The following NELL1 variants were observed in gnomAD, a reference collection of about 807,000 sequenced individuals.
NELL1 encodes protein kinase C-binding protein NELL1.
NELL1 carries 76 observed loss-of-function variants against 107.4 expected under a neutral mutation model. That is an observed-to-expected ratio of 0.71 (90% confidence interval 0.59 to 0.86). NELL1 has a LOEUF of 0.86. Among genes scored for constraint, NELL1 ranks in the 40% least tolerant of loss-of-function variants. The pLI, the probability that NELL1 is intolerant of heterozygous loss-of-function variation, is 0.00. For synonymous variants in NELL1, 353 were observed against 341.2 expected, an observed-to-expected ratio of 1.03 and a Z score of -0.38; for missense variants, 1,024 against 1,005.5, an observed-to-expected ratio of 1.02 and a Z score of -0.25.
chr11:21,355,212 C>T lies in NELL1; in HGVS notation c.1550-15641C>T, dbSNP rs536688684. ...TTTTCCTTGCTGTTGATTCCAGTGCCCAACAAGCTCTCAAAGTCTGACACT... is the reference window on the plus strand; with the variant it reads ...TTTTCCTTGCTGTTGATTCCAGTGCTCAACAAGCTCTCAAAGTCTGACACT... On this transcript the variant is annotated intron_variant, in intron 14 of 19. Transcript: ENST00000357134. Among the ~76,000 whole-genome samples, 3 of 152,202 alleles carry T rather than the reference C, an allele frequency of 2.0e-5. No individual in the cohort carries two copies. The South Asian group carries it at 6.2e-4, about 32-fold the overall frequency.
chr11:21,480,240 T>G (rs1253508015), intron 15 of NELL1, among the ~76,000 whole-genome samples: 2 of 152,192 alleles, frequency 1.3e-5, no homozygotes, highest in Non-Finnish European at 2.9e-5. Context: ...TTGGAATCAG[T>G]GAACCTTTAA....
chr11:20,929,959 G>C (rs1850583092), intron 9 of NELL1, among the ~76,000 whole-genome samples: 2 of 145,596 alleles, frequency 1.4e-5, no homozygotes, highest in South Asian at 4.4e-4. Context: ...GCAACAGAGT[G>C]AGTCTGTCTC....
At chr11:21,283,115 AAC>A (rs1312107949) in intron 14 of NELL1, among the ~76,000 whole-genome samples, 3 of 152,190 alleles carry the variant, frequency 2.0e-5, no homozygotes, top group African/African-American at 7.2e-5. Context: ...TCACTAGCAC[AAC>A]AGAGTGACTG....
At chr11:21,562,134 T>C (rs1439447115) in intron 17 of NELL1, among the ~76,000 whole-genome samples, 1 of 152,090 alleles carries the variant, frequency 6.6e-6, no homozygotes, top group Non-Finnish European at 1.5e-5. Context: ...AAAATTCTTC[T>C]TTCAGTTTTT....
At position 21,268,315 on chromosome 11, in the gene NELL1, A is replaced by T. The variant is rs118092398; in HGVS notation, c.1549+38861A>T. Among the ~76,000 whole-genome samples, 625 of 152,254 alleles carry T rather than the reference A, an allele frequency of 4.1e-3. 1 individual carries two copies. Among genetic ancestry groups the T allele is most frequent in the Non-Finnish European group, 6.7e-3 (455 of 68,008 alleles). On this transcript the variant is annotated intron_variant, in intron 14 of 19. Coordinates refer to ENST00000357134, the MANE Select transcript of NELL1 (RefSeq NM_006157.5). ...GCTTGACCAGCTTCTAAGAATGAAA[A>T]ATTCCCCTATGCTTCTGGCAGGAGG...
At chr11:21,254,902 G>A (rs1039597300) in intron 14 of NELL1, among the ~76,000 whole-genome samples, 4 of 152,094 alleles carry the variant, frequency 2.6e-5, no homozygotes, top group African/African-American at 9.7e-5. Flanking sequence ...AAGCCCCACA[G>A]CCTTCAAACA....
intron 12 of NELL1, among the ~76,000 whole-genome samples, chr11:21,043,462 T>C (rs977481516): frequency 6.6e-6 from 1 of 152,166 alleles, no homozygotes; most frequent in Non-Finnish European, 1.5e-5. Flanking sequence ...AGGCAGGTCA[T>C]GATGTGCCTC....
chr11:21,478,751 A>G (rs1424101089), intron 15 of NELL1, among the ~76,000 whole-genome samples: 1 of 151,968 alleles, frequency 6.6e-6, no homozygotes, highest in Non-Finnish European at 1.5e-5. Context: ...GTGAATAGGG[A>G]ACCCACAGAA....
At chr11:20,693,088 A>G (rs1018224822) in intron 2 of NELL1, among the ~76,000 whole-genome samples, 1 of 151,654 alleles carries the variant, frequency 6.6e-6, no homozygotes, top group African/African-American at 2.4e-5. Flanking sequence ...AGTCTGTTTT[A>G]TCAGAGACTA....
At chr11:21,204,961 C>G (rs1471912111) in intron 13 of NELL1, among the ~76,000 whole-genome samples, 2 of 152,162 alleles carry the variant, frequency 1.3e-5, no homozygotes, top group Non-Finnish European at 2.9e-5. Flanking sequence ...GCAAAGATTG[C>G]TGCGTGTTCC....
intron 15 of NELL1, among the ~76,000 whole-genome samples, chr11:21,371,957 G>A (rs1851366489): frequency 6.6e-6 from 1 of 151,860 alleles, no homozygotes; most frequent in South Asian, 2.1e-4. Flanking sequence ...ATATTGCACT[G>A]CCTGTATATT....
intron 13 of NELL1, among the ~76,000 whole-genome samples, chr11:21,155,746 T>A (rs1856217760): frequency 6.6e-6 from 1 of 152,054 alleles, no homozygotes; most frequent in Non-Finnish European, 1.5e-5. Flanking sequence ...CAAGTGTAAG[T>A]CAATTTTTCA....
At chr11:21,078,993 C>G (rs923211266) in intron 12 of NELL1, among the ~76,000 whole-genome samples, 1 of 151,264 alleles carries the variant, frequency 6.6e-6, no homozygotes, top group South Asian at 2.1e-4. Flanking sequence ...AAAAACTATG[C>G]ATTTGTATTT....
chr11:20,691,196 C>T (rs549122794), intron 2 of NELL1, among the ~76,000 whole-genome samples: 85 of 152,042 alleles, frequency 5.6e-4, no homozygotes, highest in African/African-American at 1.9e-3. Context: ...GAGACAATGG[C>T]GTTTTCTAGA....
At chr11:20,887,629 A>G (rs892293852) in intron 5 of NELL1, among the ~76,000 whole-genome samples, 8 of 152,208 alleles carry the variant, frequency 5.3e-5, no homozygotes, top group African/African-American at 1.7e-4. Flanking sequence ...TCCTGTCTGC[A>G]TCTCATCTCC....
intron 13 of NELL1, among the ~76,000 whole-genome samples, chr11:21,189,197 T>G (rs1856997788): frequency 6.6e-6 from 1 of 151,886 alleles, no homozygotes; most frequent in Non-Finnish European, 1.5e-5. Flanking sequence ...GTTCACAATT[T>G]ACTTATCCTT....
At chr11:20,763,366 C>T (rs866021435) in intron 2 of NELL1, among the ~76,000 whole-genome samples, 85 of 152,258 alleles carry the variant, frequency 5.6e-4, no homozygotes, top group African/African-American at 1.9e-3. Flanking sequence ...CAAAACTGGT[C>T]ATGTGCATGA....
chr11:20,876,466 A>G (rs1849305708), intron 4 of NELL1, among the ~76,000 whole-genome samples: 1 of 152,134 alleles, frequency 6.6e-6, no homozygotes, highest in African/African-American at 2.4e-5. Context: ...CTGATATGGA[A>G]TTCAACAGAT....
intron 12 of NELL1, among the ~76,000 whole-genome samples, chr11:21,092,396 C>T (rs1243738179): frequency 6.6e-6 from 1 of 152,010 alleles, no homozygotes; most frequent in East Asian, 1.9e-4. Context: ...TAGTTTTTCC[C>T]ATCTGTAAAA....
Sources: gnomAD v4.1 joint callset for allele counts (sites outside exome capture counted in the v4.1 genomes callset) on GRCh38, gnomAD v4.1.1 for gene constraint, MANE v1.5 for transcripts, NCBI Gene and HGNC (gene_info 2026-07-23, HGNC 2026-07-21) for gene names.